ZNF804B: variants seen among roughly 807,000 people sequenced by gnomAD.
The protein encoded by ZNF804B is zinc finger 804B.
Under a neutral mutation model 101.4 loss-of-function variants are expected in ZNF804B, and 80 were observed. The ratio of observed to expected loss-of-function variants is 0.79; its 90% CI spans 0.66 to 0.95. The LOEUF is 0.95. Among genes scored for constraint, ZNF804B ranks in the 40% least tolerant of loss-of-function variants. The pLI is 0.00. For synonymous variants in ZNF804B, 622 were observed against 558.8 expected, an observed-to-expected ratio of 1.11 and a Z score of -1.59; for missense variants, 1,673 against 1,561.9, an observed-to-expected ratio of 1.07 and a Z score of -1.20.
chr7:88,820,280 G>T (rs1790956517), intron 1 of ZNF804B, among the ~76,000 whole-genome samples: 1 of 152,112 alleles, frequency 6.6e-6, no homozygotes, highest in Admixed American at 6.5e-5. Context: ...AAATACAATA[G>T]ACTTTTTTAT....
chr7:88,775,802 A>G (rs1790132586), intron 1 of ZNF804B, among the ~76,000 whole-genome samples: 1 of 152,296 alleles, frequency 6.6e-6, no homozygotes, highest in East Asian at 1.9e-4. Flanking sequence ...TTGCTTGGTG[A>G]CAAAGCTTGT....
intron 2 of ZNF804B, among the ~76,000 whole-genome samples, chr7:89,246,355 C>A (rs1789446945): frequency 6.6e-6 from 1 of 152,168 alleles, no homozygotes; most frequent in Admixed American, 6.5e-5. Flanking sequence ...CAGCAGGCCT[C>A]TTTCTTTTCC....
chr7:89,021,191 A>G, intron 1 of ZNF804B, among the ~76,000 whole-genome samples: 1 of 152,206 alleles, frequency 6.6e-6, no homozygotes, highest in Admixed American at 6.5e-5. Context: ...AGGTGGATGC[A>G]GTAGTGCAGT....
At position 89,327,122 on chromosome 7, in the gene ZNF804B, C is replaced by CA. The variant is rs1790908103; in HGVS notation, c.250-221dup. Among the ~76,000 whole-genome samples the CA allele has an allele frequency of 2.1e-5, 3 of 145,808 alleles. No individual in the cohort carries two copies. The South Asian group carries it at 6.2e-4, about 30-fold the overall frequency. On this transcript the variant is annotated intron_variant, in intron 2 of 3. Coordinates refer to ENST00000333190, the MANE Select transcript of ZNF804B (RefSeq NM_181646.5). The stretch of plus-strand genomic sequence containing the variant: ...CAGCGAGGCCTGGGGCCCAGCTTTG[C>CA]AGTGACTGTGACAAGCTTGGAAAAA...
chr7:89,211,038 A>G (rs1038859273), intron 1 of ZNF804B, among the ~76,000 whole-genome samples: 2 of 152,172 alleles, frequency 1.3e-5, no homozygotes, highest in Non-Finnish European at 2.9e-5. Context: ...CTCCATTCTG[A>G]CTGGTGAGAG....
chr7:88,884,809 A>T (rs1036555344), intron 1 of ZNF804B, among the ~76,000 whole-genome samples: 1 of 151,890 alleles, frequency 6.6e-6, no homozygotes, highest in Non-Finnish European at 1.5e-5. Context: ...CCTTATATAG[A>T]TAATTTTTAT....
intron 2 of ZNF804B, among the ~76,000 whole-genome samples, chr7:89,284,379 GAA>G: frequency 6.6e-6 from 1 of 152,286 alleles, no homozygotes; most frequent in East Asian, 1.9e-4. Flanking sequence ...GGACCCATAT[GAA>G]GTAGCACTAG....
intron 1 of ZNF804B, among the ~76,000 whole-genome samples, chr7:89,039,304 A>C (rs919198550): frequency 6.6e-6 from 1 of 151,992 alleles, no homozygotes; most frequent in Non-Finnish European, 1.5e-5. Flanking sequence ...AACTTTGGGT[A>C]GTATAAACAA....
intron 1 of ZNF804B, among the ~76,000 whole-genome samples, chr7:88,916,132 A>C (rs1168958022): frequency 6.6e-6 from 1 of 152,058 alleles, no homozygotes; most frequent in Non-Finnish European, 1.5e-5. Context: ...AGGCTCTTTG[A>C]CTTCAGGAGA....
chr7:89,238,050 T>A (rs1426669363), intron 2 of ZNF804B, among the ~76,000 whole-genome samples: 2 of 152,014 alleles, frequency 1.3e-5, no homozygotes, highest in Admixed American at 6.6e-5. Context: ...CAAAAAAGAT[T>A]CAAAATGCAC....
intron 1 of ZNF804B, among the ~76,000 whole-genome samples, chr7:88,786,481 T>G (rs1790304772): frequency 6.6e-6 from 1 of 152,118 alleles, no homozygotes; most frequent in African/African-American, 2.4e-5. Flanking sequence ...TAAGGGGAGA[T>G]GTAGGAGATT....
chr7:88,974,535 A>G (rs1417779889), intron 1 of ZNF804B, among the ~76,000 whole-genome samples: 2 of 151,318 alleles, frequency 1.3e-5, no homozygotes, highest in Non-Finnish European at 3.0e-5. Context: ...AAAAATCAAT[A>G]TTGATAGTTT....
intron 1 of ZNF804B, among the ~76,000 whole-genome samples, chr7:88,912,663 A>G (rs1043747568): frequency 6.6e-6 from 1 of 152,146 alleles, no homozygotes; most frequent in Non-Finnish European, 1.5e-5. Flanking sequence ...TAAAGCAAAT[A>G]TACTAATCCG....
At chr7:88,990,121 G>C (rs2214629) in intron 1 of ZNF804B, among the ~76,000 whole-genome samples, 54 of 151,532 alleles carry the variant, frequency 3.6e-4, no homozygotes, top group African/African-American at 1.3e-3. Flanking sequence ...ATGATACTAT[G>C]TATATAATTT....
chr7:88,802,432 C>T (rs773765964), intron 1 of ZNF804B, among the ~76,000 whole-genome samples: 10 of 151,868 alleles, frequency 6.6e-5, no homozygotes, highest in Middle Eastern at 3.2e-3. Context: ...ACACTGCTGG[C>T]ACACCTCATT....
chr7:89,198,318 C>A (rs1484446990), intron 1 of ZNF804B, among the ~76,000 whole-genome samples: 2 of 151,778 alleles, frequency 1.3e-5, no homozygotes, highest in Admixed American at 6.6e-5. Flanking sequence ...TAAATTGATA[C>A]CTTTCATTTT....
chr7:89,015,351 A>G (rs370704130), intron 1 of ZNF804B, among the ~76,000 whole-genome samples: 3 of 150,730 alleles, frequency 2.0e-5, no homozygotes, highest in East Asian at 3.9e-4. Context: ...AATTATTATT[A>G]TACTTTAAGA....
intron 1 of ZNF804B, among the ~76,000 whole-genome samples, chr7:88,839,141 A>G (rs552593432): frequency 2.6e-5 from 4 of 152,108 alleles, no homozygotes; most frequent in East Asian, 1.9e-4. Context: ...CTCCTTTTCC[A>G]GTAGGATTGA....
chr7:88,987,662 A>C (rs751809437), intron 1 of ZNF804B, among the ~76,000 whole-genome samples: 2 of 152,018 alleles, frequency 1.3e-5, no homozygotes, highest in Non-Finnish European at 2.9e-5. Flanking sequence ...TGTGAGGTAC[A>C]TTTGATATTT....
Sources: gnomAD v4.1 joint callset for allele counts (sites outside exome capture counted in the v4.1 genomes callset) on GRCh38, gnomAD v4.1.1 for gene constraint, MANE v1.5 for transcripts, NCBI Gene and HGNC (gene_info 2026-07-23, HGNC 2026-07-21) for gene names.